The following NCAPG2 variants were observed in gnomAD, a reference collection of about 807,000 sequenced individuals.
The protein encoded by NCAPG2 is non-SMC condensin II complex subunit G2.
In NCAPG2, 53 loss-of-function variants were observed where a neutral mutation model predicts 141.1. The ratio of observed to expected loss-of-function variants is 0.38; its 90% CI spans 0.30 to 0.47. The LOEUF (loss-of-function observed/expected upper bound fraction) is 0.47, where lower values mean the gene tolerates loss of function less well. NCAPG2 is among the 20% of genes least tolerant of loss of function. The pLI is 0.99. For missense variants in NCAPG2, 1,087 were observed against 1,389.0 expected, an observed-to-expected ratio of 0.78 and a Z score of 3.46; for synonymous variants, 499 against 490.7, an observed-to-expected ratio of 1.02 and a Z score of -0.22.
chr7:158,680,679 G>T, intron 10 of NCAPG2, 42 bp downstream of exon 10: 1 of 1,306,878 alleles, frequency 7.7e-7, no homozygotes, highest in South Asian at 1.8e-5. Flanking sequence ...AAAAGCACAA[G>T]TAGTACATTC....
At chr7:158,687,289 T>C (rs923752607) in intron 7 of NCAPG2, 59 bp downstream of exon 7, 5 of 1,210,344 alleles carry the variant, frequency 4.1e-6, no homozygotes, top group Non-Finnish European at 5.9e-6. Flanking sequence ...TCAGACCAAA[T>C]GGAATCTTTC....
chr7:158,642,572 GA>G (rs768684768), intron 27 of NCAPG2, among the ~76,000 whole-genome samples: 41 of 141,472 alleles, frequency 2.9e-4, no homozygotes, highest in Non-Finnish European at 4.8e-4. Flanking sequence ...GAAGAAAAAG[GA>G]CAAAAAGATA....
Position 158,674,261 on chromosome 7 carries a change from A to ACTC in NCAPG2, c.1326+1215_1326+1216insGAG, listed in dbSNP as rs551328615. On this transcript the variant is annotated intron_variant, in intron 12 of 27. Coordinates refer to ENST00000356309, the MANE Select transcript of NCAPG2 (RefSeq NM_017760.7). ...TAGGAAGGACACTGCTGAGAGGGAGAGGTTGAATATGCACAGAAAAAAAAA... is the reference window on the plus strand; with the variant it reads ...TAGGAAGGACACTGCTGAGAGGGAGACTCGGTTGAATATGCACAGAAAAAAAAA... Among the ~76,000 whole-genome samples the ACTC allele has an allele frequency of 2.7e-4, 41 of 149,836 alleles. 1 individual carries two copies. In the South Asian group the frequency reaches 8.3e-3, roughly 30 times the overall value.
At chr7:158,645,768 T>G in intron 25 of NCAPG2, 149 bp from the exon 26 acceptor site, 1 of 668,016 alleles carries the variant, frequency 1.5e-6, no homozygotes, top group Non-Finnish European at 2.6e-6. Flanking sequence ...ATGCTTTTCA[T>G]GGAGAGTGTG....
chr7:158,701,660 G>A (rs564480296), intron 2 of NCAPG2, among the ~76,000 whole-genome samples, 162 bp downstream of exon 2: 2 of 152,190 alleles, frequency 1.3e-5, no homozygotes, highest in African/African-American at 2.4e-5. Context: ...CCCACCAGCA[G>A]GTAGATTTGA....
chr7:158,667,304 CCCTTA>C (rs1833063407), intron 13 of NCAPG2: 1 of 553,520 alleles, frequency 1.8e-6, no homozygotes, highest in African/African-American at 2.5e-5. Flanking sequence ...CCCTCCTCCA[CCCTTA>C]GCCGCTACTG....
At chr7:158,661,120 T>C (rs1369392411) in intron 16 of NCAPG2, among the ~76,000 whole-genome samples, 1 of 152,096 alleles carries the variant, frequency 6.6e-6, no homozygotes, top group Non-Finnish European at 1.5e-5. Context: ...TAATACAATC[T>C]GCTTTCACGT....
rs113796804 is a variant in NCAPG2 at position 158,650,990 on chromosome 7, C to T, written c.2935-18G>A. 3,895 of 1,551,908 alleles carry T rather than the reference C, an allele frequency of 2.5e-3. 87 individuals carry two copies. In the African/African-American group the frequency reaches 0.047, roughly 19 times the overall value. ...TAAAGCAGCTACAAGAAAACACATA[C>T]GTCACTTTTAATGACTAAAAACCAT... On this transcript the variant is annotated intron_variant, in intron 23 of 27. Coordinates refer to ENST00000356309, the MANE Select transcript of NCAPG2 (RefSeq NM_017760.7).
chr7:158,671,649 C>T lies in NCAPG2; in HGVS notation c.1344G>A (p.Leu448=). ...ACAATGGGTGGCTCAGTTTGTTGTC[C>T]AAAATCATTGGCAGACACTGCAACA... is the stretch of plus-strand genomic sequence containing the variant. The part of the protein sequence containing the change: ...CSVFKCLPMI[L]DNKLSHPLLE... The change falls in exon 13 of 28, where the codon TTG becomes TTA. Residue 448 remains leucine (L), a synonymous_variant. Coordinates refer to ENST00000356309, the MANE Select transcript of NCAPG2 (RefSeq NM_017760.7). The T allele has an allele frequency of 2.5e-6, 4 of 1,614,024 alleles. No homozygotes were observed. In the South Asian group the frequency reaches 3.3e-5, roughly 13 times the overall value.
chr7:158,639,817 T>C, intron 27 of NCAPG2: 1 of 966,200 alleles, frequency 1.0e-6, no homozygotes, highest in Non-Finnish European at 1.2e-6. Flanking sequence ...CAACAACCAT[T>C]TAATCTTATT....
At chr7:158,698,613 C>T (rs1159900963) in intron 2 of NCAPG2, among the ~76,000 whole-genome samples, 1 of 152,126 alleles carries the variant, frequency 6.6e-6, no homozygotes, top group Non-Finnish European at 1.5e-5. Flanking sequence ...TGTAAGCACA[C>T]TTTAGGATGT....
chr7:158,702,707 C>G (rs937052050), intron 1 of NCAPG2, among the ~76,000 whole-genome samples: 2 of 152,106 alleles, frequency 1.3e-5, no homozygotes, highest in Admixed American at 6.5e-5. Flanking sequence ...ATAAATAGAG[C>G]AATATGGAAA....
At chr7:158,662,390 G>T in intron 15 of NCAPG2, 23 bp from the exon 16 acceptor site, 1 of 1,528,412 alleles carries the variant, frequency 6.5e-7, no homozygotes, top group Non-Finnish European at 8.8e-7. Flanking sequence ...TAATTTTATT[G>T]TGAAAGGATC....
At chr7:158,646,272 TTC>T (rs57454830) in intron 25 of NCAPG2, among the ~76,000 whole-genome samples, 186 bp downstream of exon 25, 21,913 of 152,170 alleles carry the variant, frequency 0.14, 1,987 homozygotes, top group East Asian at 0.39. Context: ...GTTAGAATTT[TTC>T]TCTGTGTAAG....
At chr7:158,667,462 C>A (rs1392650908) in intron 13 of NCAPG2, among the ~76,000 whole-genome samples, 3 of 136,266 alleles carry the variant, frequency 2.2e-5, no homozygotes, top group Non-Finnish European at 3.2e-5. Flanking sequence ...GTCCCTCCGC[C>A]CGCCTTACCC....
chr7:158,637,543 T>C (rs9770120), intron 27 of NCAPG2, among the ~76,000 whole-genome samples: 5,286 of 105,712 alleles, frequency 0.05, 31 homozygotes, highest in East Asian at 0.096. Flanking sequence ...CAGGAGCCTG[T>C]GGGACTCAAG....
chr7:158,672,288 G>A (rs138050208), intron 12 of NCAPG2, among the ~76,000 whole-genome samples: 228 of 24,552 alleles, frequency 9.3e-3, no homozygotes, highest in African/African-American at 0.035. Flanking sequence ...ATGTGTGTGT[G>A]TGTGTATATA....
rs747940742 is a variant in NCAPG2 at position 158,655,390 on chromosome 7, G to A, written c.2454C>T (p.Ala818=). ...GACAGTGGAGACCAAAGGCTCGCGG[G>A]GCAGCTGCTTCACTGAAGCCACGAG... The part of the protein sequence containing the change: ...GKPRGFSEAA[A]PRAFGLHCRL... The change falls in exon 20 of 28, where the codon GCC becomes GCT. Residue 818 remains alanine (A), a synonymous_variant. Coordinates refer to ENST00000356309, the MANE Select transcript of NCAPG2 (RefSeq NM_017760.7). The A allele has an allele frequency of 1.8e-5, 29 of 1,614,130 alleles. No homozygotes were observed. Among genetic ancestry groups the A allele is most frequent in the Non-Finnish European group, 2.3e-5 (27 of 1,180,030 alleles).
chr7:158,677,485 A>G (rs553094860), intron 11 of NCAPG2, among the ~76,000 whole-genome samples: 5 of 150,892 alleles, frequency 3.3e-5, no homozygotes, highest in Non-Finnish European at 4.4e-5. Context: ...GTCATTTAAG[A>G]AAAAGCAAAT....
Sources: gnomAD v4.1 joint callset for allele counts (sites outside exome capture counted in the v4.1 genomes callset) on GRCh38, gnomAD v4.1.1 for gene constraint, MANE v1.5 for transcripts, NCBI Gene and HGNC (gene_info 2026-07-23, HGNC 2026-07-21) for gene names.